NUP107: variants seen among roughly 807,000 people sequenced by gnomAD.
NUP107 encodes the protein nuclear pore complex protein Nup107.
A neutral mutation model predicts 141.0 loss-of-function variants in NUP107; 101 were observed. The ratio of observed to expected loss-of-function variants is 0.72; its 90% CI spans 0.61 to 0.84. The LOEUF is 0.84. NUP107 is among the 40% of genes least tolerant of loss of function. The pLI, the probability that NUP107 is intolerant of heterozygous loss-of-function variation, is 0.00. For missense variants in NUP107, 941 were observed against 1,102.7 expected, an observed-to-expected ratio of 0.85 and a Z score of 2.08; for synonymous variants, 319 against 363.9, an observed-to-expected ratio of 0.88 and a Z score of 1.41.
chr12:68,704,146 A>G (rs956790235), intron 8 of NUP107, among the ~76,000 whole-genome samples: 5 of 152,228 alleles, frequency 3.3e-5, no homozygotes, highest in African/African-American at 9.6e-5. Flanking sequence ...AATTCTGGAC[A>G]AGTAAACACC....
At chr12:68,688,052 T>C (rs892476110) in intron 1 of NUP107, among the ~76,000 whole-genome samples, 1 of 152,192 alleles carries the variant, frequency 6.6e-6, no homozygotes, top group East Asian at 1.9e-4. Context: ...TACGTGTAGC[T>C]CAGTGGTCAC....
intron 23 of NUP107, among the ~76,000 whole-genome samples, chr12:68,733,148 T>C (rs1188590585): frequency 6.6e-6 from 1 of 152,230 alleles, no homozygotes; most frequent in Non-Finnish European, 1.5e-5. Context: ...TGGTGAATTT[T>C]CATTGTCCTA....
chr12:68,725,605 C>T, intron 17 of NUP107, 122 bp from the exon 18 acceptor site: 1 of 597,694 alleles, frequency 1.7e-6, no homozygotes, highest in Non-Finnish European at 2.9e-6. Context: ...TAAGGCCCTT[C>T]ATTTCCAGCT....
At chr12:68,714,956 C>G (rs1048465654) in intron 11 of NUP107, among the ~76,000 whole-genome samples, 2 of 152,184 alleles carry the variant, frequency 1.3e-5, no homozygotes, top group Non-Finnish European at 2.9e-5. Flanking sequence ...TGTTCTTCTT[C>G]CATCTAGGTC....
intron 4 of NUP107, 52 bp downstream of exon 4, chr12:68,690,798 C>T: frequency 1.3e-6 from 2 of 1,576,056 alleles, no homozygotes; most frequent in Non-Finnish European, 1.7e-6. Context: ...TGTGGTGGCT[C>T]ACATCTGTAA....
intron 26 of NUP107, 140 bp from the exon 27 acceptor site, chr12:68,741,673 A>C (rs1245122757): frequency 3.2e-6 from 2 of 631,456 alleles, no homozygotes; most frequent in Non-Finnish European, 5.4e-6. Flanking sequence ...TCTGTAGTCT[A>C]CGTTGTTCAT....
intron 20 of NUP107, among the ~76,000 whole-genome samples, chr12:68,729,157 C>T (rs1205908296): frequency 6.6e-6 from 1 of 152,236 alleles, no homozygotes; most frequent in Non-Finnish European, 1.5e-5. Flanking sequence ...TAAATGGATA[C>T]TCACAGCACT....
chr12:68,702,019 C>T (rs1039038965), intron 7 of NUP107, among the ~76,000 whole-genome samples: 4 of 151,914 alleles, frequency 2.6e-5, no homozygotes, highest in African/African-American at 7.3e-5. Flanking sequence ...GATGGAATCT[C>T]GCTCTGTTGC....
In NUP107 at chr12:68,742,350, A is replaced by G. The variant is rs758092221; in HGVS notation, c.2671-5A>G. The stretch of plus-strand genomic sequence containing the variant: ...CTCATTCTTATTTCTCTTTTTAAAA[A>G]TCAGGTATTTTCTAAGGAAGAGCTA... On this transcript the variant is annotated splice_region_variant and splice_polypyrimidine_tract_variant and intron_variant, in intron 27 of 27. Transcript: ENST00000229179. 1.3e-5 allele frequency: 21 copies of G among 1,567,948 alleles called. No homozygotes were observed. The highest frequency in any genetic ancestry group is 3.4e-5 in the Admixed American group (2 of 58,746).
rs1319687795 is a variant in NUP107 at position 68,715,747 on chromosome 12, C to T, written c.1083+7C>T. 2 of 1,498,436 alleles carry T rather than the reference C, an allele frequency of 1.3e-6. No individual in the cohort carries two copies. The highest frequency in any genetic ancestry group is 1.1e-5 in the South Asian group (1 of 88,054). The allele number at this position is 1,498,436 out of a possible 1,614,324, so 92.8% of individuals were successfully genotyped here. A position where few individuals can be genotyped will look rare whatever the true frequency, so the allele number is the denominator to read the frequency against. On this transcript the variant is annotated splice_region_variant and intron_variant, in intron 12 of 27. Coordinates refer to ENST00000229179, the MANE Select transcript of NUP107 (RefSeq NM_020401.4). Reference sequence around the variant, plus strand: ...TGCTGGAATGACAGAAGAGGTCAGTCATGTATACCCTTCTTGTCTAATTTC... The same window carrying T: ...TGCTGGAATGACAGAAGAGGTCAGTTATGTATACCCTTCTTGTCTAATTTC...
At chr12:68,695,727 TACTGAC>T (rs1876020086) in intron 5 of NUP107, among the ~76,000 whole-genome samples, 1 of 152,172 alleles carries the variant, frequency 6.6e-6, no homozygotes, top group Non-Finnish European at 1.5e-5. Flanking sequence ...TGAATGTACT[TACTGAC>T]ACTGAACTAT....
At position 68,691,955 on chromosome 12, in the gene NUP107, G is replaced by A. The variant is rs755626243; in HGVS notation, c.304-13G>A. The stretch of plus-strand genomic sequence containing the variant: ...CACTTTTCTGTATTTTTACTTTTTT[G>A]TTTTTTTTTAAGGTTACTAATCTGG... On this transcript the variant is annotated splice_polypyrimidine_tract_variant and intron_variant, in intron 4 of 27. Transcript: ENST00000229179. The A allele has an allele frequency of 8.7e-6, 13 of 1,501,930 alleles. No homozygotes were observed. The South Asian group carries it at 1.5e-4, about 17-fold the overall frequency. The allele number at this position is 1,501,930 out of a possible 1,614,324, so 93.0% of individuals were successfully genotyped here. A position where few individuals can be genotyped will look rare whatever the true frequency, so the allele number is the denominator to read the frequency against.
At position 68,705,949 on chromosome 12, in the gene NUP107, A is replaced by G. The variant is rs1876558732; in HGVS notation, c.729+3165A>G. On this transcript the variant is annotated intron_variant, in intron 8 of 27. Transcript: ENST00000229179. The stretch of plus-strand genomic sequence containing the variant: ...CCTCAACAACAAGTTTGCCTCCTTC[A>G]TTGACAAGGTACAGTTCCTGCAGCA... 4 of 907,716 alleles carry G rather than the reference A, an allele frequency of 4.4e-6. No individual in the cohort carries two copies. In the South Asian group the frequency reaches 5.2e-5, roughly 12 times the overall value. The allele number at this position is 907,716 out of a possible 1,614,324, so 56.2% of individuals were successfully genotyped here. A position where few individuals can be genotyped will look rare whatever the true frequency, so the allele number is the denominator to read the frequency against.
intron 8 of NUP107, chr12:68,706,533 T>C (rs1876589687): frequency 3.0e-6 from 2 of 677,682 alleles, no homozygotes; most frequent in Non-Finnish European, 5.4e-6. Context: ...TGACCCGTGG[T>C]GCACAAAGAC....
intron 10 of NUP107, among the ~76,000 whole-genome samples, chr12:68,711,484 C>T (rs1249078715): frequency 2.7e-5 from 4 of 150,200 alleles, no homozygotes; most frequent in African/African-American, 4.9e-5. Flanking sequence ...TGCAGTGAGC[C>T]AAGATCGCTC....
chr12:68,709,399 T>A (rs965055532), intron 9 of NUP107, 90 bp downstream of exon 9: 3 of 699,804 alleles, frequency 4.3e-6, no homozygotes, highest in Non-Finnish European at 7.1e-6. Flanking sequence ...AACTTAAAAC[T>A]GTTTTCTGAA....
At chr12:68,713,959 C>T (rs1876992127) in intron 11 of NUP107, 151 bp downstream of exon 11, 1 of 590,162 alleles carries the variant, frequency 1.7e-6, no homozygotes, top group Admixed American at 3.5e-5. Context: ...GCATTGGAAT[C>T]TGATGGAATA....
intron 17 of NUP107, 29 bp from the exon 18 acceptor site, chr12:68,725,698 T>G: frequency 8.8e-7 from 1 of 1,136,670 alleles, no homozygotes; most frequent in Non-Finnish European, 1.3e-6. Flanking sequence ...GCTAGAAGAT[T>G]TATGGAAAAT....
At chr12:68,716,467 G>A (rs1459685933) in intron 12 of NUP107, among the ~76,000 whole-genome samples, 2 of 151,704 alleles carry the variant, frequency 1.3e-5, no homozygotes, top group African/African-American at 4.8e-5. Flanking sequence ...CTGGGCTCAA[G>A]TGATCTTCCT....
Sources: gnomAD v4.1 joint callset for allele counts (sites outside exome capture counted in the v4.1 genomes callset) on GRCh38, gnomAD v4.1.1 for gene constraint, MANE v1.5 for transcripts, NCBI Gene and HGNC (gene_info 2026-07-23, HGNC 2026-07-21) for gene names.